MGAT4C: variants seen among roughly 807,000 people sequenced by gnomAD.
The protein encoded by MGAT4C is alpha-1,3-mannosyl-glycoprotein 4-beta-N-acetylglucosaminyltransferase C.
A neutral mutation model predicts 40.1 loss-of-function variants in MGAT4C; 19 were observed. The observed-to-expected ratio is 0.47, with a 90% CI of 0.33 to 0.70. The LOEUF (loss-of-function observed/expected upper bound fraction) is 0.70. MGAT4C is among the 30% of genes least tolerant of loss of function. The pLI is 0.02. For missense variants in MGAT4C, 491 were observed against 563.2 expected (o/e 0.87, Z 1.30); for synonymous variants, 181 against 187.1 (o/e 0.97, Z 0.27).
intron 1 of MGAT4C, among the ~76,000 whole-genome samples, chr12:86,052,748 GA>G (rs894802860): frequency 4.0e-5 from 6 of 150,520 alleles, no homozygotes; most frequent in South Asian, 2.1e-4. Context: ...GAATCTTACA[GA>G]AAAAAAAATG....
chr12:86,794,110 G>C (rs1244623385), intron 1 of MGAT4C, among the ~76,000 whole-genome samples: 1 of 151,690 alleles, frequency 6.6e-6, no homozygotes, highest in Non-Finnish European at 1.5e-5. Context: ...ATAATACAAT[G>C]ATGAATTAAT....
chr12:86,325,938 C>A (rs564132119), intron 4 of MGAT4C, among the ~76,000 whole-genome samples: 36 of 151,942 alleles, frequency 2.4e-4, no homozygotes, highest in African/African-American at 7.7e-4. Context: ...CATTTTTATT[C>A]TATTTATTTT....
chr12:86,368,785 T>C (rs2136209557), intron 3 of MGAT4C, among the ~76,000 whole-genome samples: 1 of 151,976 alleles, frequency 6.6e-6, no homozygotes, highest in South Asian at 2.1e-4. Flanking sequence ...TTATTAAAAG[T>C]TATTTTGTGA....
In MGAT4C at chr12:86,767,285, G is replaced by A. The variant is rs551327874; in HGVS notation, c.-261-40044C>T. ...TCTAGAAGAAATGGATAAATTCCTC[G>A]ACACATAAACCCTCCCAAGACTAAA... On this transcript the variant is annotated intron_variant, in intron 1 of 7. Coordinates refer to the MGAT4C transcript ENST00000548651. Among the ~76,000 whole-genome samples the A allele has an allele frequency of 6.0e-4, 91 of 152,184 alleles. 1 individual carries two copies. Among genetic ancestry groups the A allele is most frequent in the Admixed American group, 1.4e-3 (22 of 15,276 alleles).
intron 2 of MGAT4C, among the ~76,000 whole-genome samples, chr12:86,559,496 A>T (rs898540061): frequency 6.6e-6 from 1 of 152,156 alleles, no homozygotes; most frequent in Non-Finnish European, 1.5e-5. Context: ...ATCAATAACA[A>T]GAAAAACTTT....
At chr12:86,342,415 G>A (rs1469671544) in intron 3 of MGAT4C, among the ~76,000 whole-genome samples, 1 of 152,096 alleles carries the variant, frequency 6.6e-6, no homozygotes, top group Non-Finnish European at 1.5e-5. Context: ...GCCTCCAGGG[G>A]CAATTCAAAG....
chr12:86,278,925 A>T (rs1953144338), intron 4 of MGAT4C, among the ~76,000 whole-genome samples: 1 of 152,182 alleles, frequency 6.6e-6, no homozygotes, highest in African/African-American at 2.4e-5. Flanking sequence ...GCAACAGTTG[A>T]AATTATCATA....
At chr12:86,534,322 A>G (rs1959035328) in intron 2 of MGAT4C, among the ~76,000 whole-genome samples, 1 of 152,124 alleles carries the variant, frequency 6.6e-6, no homozygotes, top group Non-Finnish European at 1.5e-5. Flanking sequence ...TGCCAATCAG[A>G]AAAGTCTTTG....
At chr12:86,595,404 G>A (rs977642394) in intron 2 of MGAT4C, among the ~76,000 whole-genome samples, 1 of 151,924 alleles carries the variant, frequency 6.6e-6, no homozygotes, top group African/African-American at 2.4e-5. Flanking sequence ...GGTGGCACAC[G>A]CCTGTAGTCC....
chr12:86,313,198 TA>T (rs1207455154), intron 4 of MGAT4C, among the ~76,000 whole-genome samples: 2 of 152,164 alleles, frequency 1.3e-5, no homozygotes, highest in African/African-American at 2.4e-5. Flanking sequence ...ACAATAAAAT[TA>T]AATTCCAAAT....
chr12:86,384,851 A>G (rs1196299072), intron 3 of MGAT4C, among the ~76,000 whole-genome samples: 1 of 152,146 alleles, frequency 6.6e-6, no homozygotes, highest in Non-Finnish European at 1.5e-5. Context: ...CTTGCCGTTC[A>G]TCACCAGCTA....
chr12:86,625,826 G>A (rs1346958434), intron 2 of MGAT4C, among the ~76,000 whole-genome samples: 1 of 151,844 alleles, frequency 6.6e-6, no homozygotes, highest in African/African-American at 2.4e-5. Context: ...TCTAAAAATG[G>A]ATAAAAATAG....
chr12:86,193,842 T>C (rs1270376798), intron 1 of MGAT4C, among the ~76,000 whole-genome samples: 2 of 152,190 alleles, frequency 1.3e-5, no homozygotes, highest in African/African-American at 2.4e-5. Context: ...CTGCTTTAGG[T>C]ACATAGTTCC....
intron 2 of MGAT4C, among the ~76,000 whole-genome samples, chr12:86,477,548 A>T (rs898151569): frequency 6.6e-6 from 1 of 152,088 alleles, no homozygotes; most frequent in African/African-American, 2.4e-5. Flanking sequence ...GCTGAAATAA[A>T]AGTTGAAAGA....
intron 1 of MGAT4C, among the ~76,000 whole-genome samples, chr12:86,793,527 G>A (rs1952062115): frequency 6.6e-6 from 1 of 151,882 alleles, no homozygotes; most frequent in Admixed American, 6.6e-5. Context: ...TAGGAATAGT[G>A]CCAGATAAAA....
chr12:86,698,319 TAAGTG>T (rs1250792238), intron 2 of MGAT4C, among the ~76,000 whole-genome samples: 40 of 152,158 alleles, frequency 2.6e-4, no homozygotes, highest in African/African-American at 9.4e-4. Flanking sequence ...CATCTTTAAA[TAAGTG>T]AAAATTTTTT....
chr12:86,119,722 CTTTTT>C (rs11306440), intron 1 of MGAT4C, among the ~76,000 whole-genome samples: 1 of 122,192 alleles, frequency 8.2e-6, no homozygotes, highest in Non-Finnish European at 1.7e-5. Context: ...TCCCACCATT[CTTTTT>C]TTTTTTTTTT....
At chr12:86,108,755 C>T (rs1413345177) in intron 1 of MGAT4C, among the ~76,000 whole-genome samples, 1 of 152,140 alleles carries the variant, frequency 6.6e-6, no homozygotes, top group Non-Finnish European at 1.5e-5. Context: ...ATTCAAAATG[C>T]ATGCCTCAGG....
At chr12:86,748,679 T>C (rs1294477073) in intron 1 of MGAT4C, among the ~76,000 whole-genome samples, 1 of 151,432 alleles carries the variant, frequency 6.6e-6, no homozygotes, top group Non-Finnish European at 1.5e-5. Context: ...CAGAGGGAGA[T>C]GGTAATCAAT....
Sources: allele counts gnomAD v4.1 joint callset (sites outside exome capture counted in the v4.1 genomes callset), GRCh38; gene constraint gnomAD v4.1.1; transcripts MANE v1.5; gene names NCBI Gene and HGNC (gene_info 2026-07-23, HGNC 2026-07-21).